ESRP1: variants seen among roughly 807,000 people sequenced by gnomAD.
The protein encoded by ESRP1 is RNA-binding motif protein 35A.
Under a neutral mutation model 81.7 loss-of-function variants are expected in ESRP1, and 33 were observed. The ratio of observed to expected loss-of-function variants is 0.40; its 90% CI spans 0.31 to 0.54. The LOEUF (loss-of-function observed/expected upper bound fraction) is 0.54, where lower values mean the gene tolerates loss of function less well. ESRP1 is among the 20% of genes least tolerant of loss of function. ESRP1 has a pLI of 0.41. For missense variants in ESRP1, 672 were observed against 833.1 expected (o/e 0.81, Z 2.38); for synonymous variants, 320 against 303.3 (o/e 1.06, Z -0.57).
chr8:94,669,259 C>T (rs1184389172), intron 10 of ESRP1, among the ~76,000 whole-genome samples: 4 of 152,166 alleles, frequency 2.6e-5, no homozygotes, highest in African/African-American at 4.8e-5. Flanking sequence ...ATGGTATAGA[C>T]TGCTTTTCCA....
intron 1 of ESRP1, 81 bp downstream of exon 1, chr8:94,641,531 A>G: frequency 6.3e-7 from 1 of 1,582,166 alleles, no homozygotes; most frequent in Non-Finnish European, 8.6e-7. Flanking sequence ...AGGGGGGTGG[A>G]GGTAAGTAAA....
At chr8:94,680,435 C>CT (rs1359787577) in intron 13 of ESRP1, among the ~76,000 whole-genome samples, 67 of 151,348 alleles carry the variant, frequency 4.4e-4, no homozygotes, top group African/African-American at 1.3e-3. Context: ...ACATTAATTT[C>CT]TTTTTTTTTG....
In ESRP1 at chr8:94,689,186, T is replaced by C. The variant is rs574167360; in HGVS notation, c.1821-3491T>C. Among the ~76,000 whole-genome samples the C allele has an allele frequency of 2.7e-5, 4 of 147,496 alleles. No individual in the cohort carries two copies. In the South Asian group the frequency reaches 8.5e-4, roughly 31 times the overall value. On this transcript the variant is annotated intron_variant, in intron 13 of 15. Transcript: ENST00000433389. ...GAATTGCTTGAATCTGGGAGGCAGA[T>C]GTTGTAGTGAGCTGAGATTGAACCA... is the stretch of plus-strand genomic sequence containing the variant.
chr8:94,660,234 G>A (rs1818647634), intron 4 of ESRP1, among the ~76,000 whole-genome samples: 1 of 152,188 alleles, frequency 6.6e-6, no homozygotes, highest in East Asian at 1.9e-4. Flanking sequence ...CTTGTTATAG[G>A]CTAATGTAGC....
Position 94,664,911 on chromosome 8 carries a change from TTTA to T in ESRP1, c.756-10_756-8del, listed in dbSNP as rs1366543432. The T allele has an allele frequency of 2.5e-6, 4 of 1,611,716 alleles. No homozygotes were observed. The African/African-American group carries it at 5.4e-5, about 22-fold the overall frequency. On this transcript the variant is annotated splice_polypyrimidine_tract_variant and intron_variant, in intron 7 of 15. Transcript: ENST00000433389. The stretch of plus-strand genomic sequence containing the variant: ...ATTTTTTTTTCTACCTGCTGTCTGT[TTTA>T]TTATTCTCAAAGGGGAGGTGCAGCA...
At chr8:94,657,807 A>T (rs1818511790) in intron 4 of ESRP1, among the ~76,000 whole-genome samples, 1 of 152,164 alleles carries the variant, frequency 6.6e-6, no homozygotes, top group Non-Finnish European at 1.5e-5. Flanking sequence ...GAATTTATAA[A>T]ACTTCTCTCA....
At chr8:94,656,228 A>T (rs1044345437) in intron 4 of ESRP1, 5 of 144,600 alleles carry the variant, frequency 3.5e-5, no homozygotes, top group African/African-American at 1.2e-4. Context: ...AAAAAAAAAA[A>T]ATTTTTTTGA....
At chr8:94,702,643 C>T (rs973505747) in intron 15 of ESRP1, among the ~76,000 whole-genome samples, 2 of 152,116 alleles carry the variant, frequency 1.3e-5, no homozygotes, top group African/African-American at 4.8e-5. Flanking sequence ...ACCACCATGC[C>T]TAGCTAATTT....
chr8:94,690,276 ATTTTTTTTTTTTTT>A lies in ESRP1; in HGVS notation c.1821-2386_1821-2373del, dbSNP rs373440584. On this transcript the variant is annotated intron_variant, in intron 13 of 15. Transcript: ENST00000433389. ...AGGCATGAGCTACAATGCCTGGCTA[ATTTTTTTTTTTTTT>A]TTTTTTTTTTTTTTGGATTTTTAGT... is the stretch of plus-strand genomic sequence containing the variant. Among the ~76,000 whole-genome samples the A allele has an allele frequency of 6.7e-4, 41 of 61,372 alleles. 1 individual carries two copies. Among genetic ancestry groups the A allele is most frequent in the Admixed American group, 3.3e-3 (15 of 4,486 alleles). 40.3% of individuals were successfully genotyped at this position (61,372 alleles called of 152,430 possible).
At chr8:94,650,721 A>ATT (rs60954289) in intron 4 of ESRP1, among the ~76,000 whole-genome samples, 27 of 150,956 alleles carry the variant, frequency 1.8e-4, no homozygotes, top group African/African-American at 4.9e-4. Flanking sequence ...AATCATTTTT[A>ATT]TTTTTTTTTG....
intron 12 of ESRP1, among the ~76,000 whole-genome samples, chr8:94,675,844 T>C (rs1421753405): frequency 6.6e-6 from 1 of 152,190 alleles, no homozygotes; most frequent in East Asian, 1.9e-4. Flanking sequence ...AAAATCCATG[T>C]GTCAGCCAGG....
In ESRP1 at chr8:94,660,744, C is replaced by CAAAA. The variant is rs1563525317; in HGVS notation, c.491-1528_491-1527insAAAA. Among the ~76,000 whole-genome samples, 276 of 62,868 alleles carry CAAAA rather than the reference C, an allele frequency of 4.4e-3. 2 individuals carry two copies. The highest frequency in any genetic ancestry group is 0.014 in the African/African-American group (267 of 19,518). The allele number at this position is 62,868 out of a possible 152,430, so 41.2% of individuals were successfully genotyped here. A position where few individuals can be genotyped will look rare whatever the true frequency, so the allele number is the denominator to read the frequency against. ...AAAAAAAAAAAAAAAAAAAAAAAAA[C>CAAAA]CAAAACAAACAAACAAACAAAAAAC... On this transcript the variant is annotated intron_variant, in intron 4 of 15. Coordinates refer to ENST00000433389, the MANE Select transcript of ESRP1 (RefSeq NM_017697.4).
At chr8:94,678,115 G>T in intron 12 of ESRP1, 88 bp from the exon 13 acceptor site, 1 of 1,382,218 alleles carries the variant, frequency 7.2e-7, no homozygotes, top group Non-Finnish European at 1.0e-6. Context: ...AAAATGTGTA[G>T]ATGGAACAGT....
intron 14 of ESRP1, among the ~76,000 whole-genome samples, chr8:94,693,480 G>A (rs1222801278): frequency 6.6e-6 from 1 of 152,188 alleles, no homozygotes; most frequent in Non-Finnish European, 1.5e-5. Context: ...CTTTAACAGT[G>A]AACATTGCCA....
intron 6 of ESRP1, among the ~76,000 whole-genome samples, chr8:94,664,380 T>A (rs1040263197): frequency 3.3e-5 from 5 of 152,090 alleles, no homozygotes; most frequent in African/African-American, 7.2e-5. Context: ...TACCTCAGCC[T>A]CCCAAAGTGC....
intron 2 of ESRP1, among the ~76,000 whole-genome samples, 185 bp downstream of exon 2, chr8:94,642,269 C>T (rs1318242565): frequency 1.3e-5 from 2 of 152,220 alleles, no homozygotes; most frequent in Admixed American, 1.3e-4. Flanking sequence ...TGCTTCTCTT[C>T]ATCTCCCAGC....
chr8:94,662,868 A>G (rs1407504873), intron 6 of ESRP1, among the ~76,000 whole-genome samples: 1 of 152,076 alleles, frequency 6.6e-6, no homozygotes, highest in Non-Finnish European at 1.5e-5. Flanking sequence ...TCGCCTCCCA[A>G]AGTGCTGGGA....
At chr8:94,694,060 T>C (rs1017092536) in intron 14 of ESRP1, among the ~76,000 whole-genome samples, 5 of 152,228 alleles carry the variant, frequency 3.3e-5, no homozygotes, top group African/African-American at 1.2e-4. Context: ...CATTAGATTA[T>C]AAAAGGAAGA....
chr8:94,655,065 T>TTTTTTGTGTG, intron 4 of ESRP1, among the ~76,000 whole-genome samples: 1 of 147,634 alleles, frequency 6.8e-6, no homozygotes, highest in East Asian at 2.0e-4. Flanking sequence ...TTTGGGTTTT[T>TTTTTTGTGTG]TGTGTGTGTG....
Sources: gnomAD v4.1 joint callset for allele counts (sites outside exome capture counted in the v4.1 genomes callset) on GRCh38, gnomAD v4.1.1 for gene constraint, MANE v1.5 for transcripts, NCBI Gene and HGNC (gene_info 2026-07-23, HGNC 2026-07-21) for gene names.